The following ASCC3 variants were observed in gnomAD, a reference collection of about 807,000 sequenced individuals.
The protein encoded by ASCC3 is activating signal cointegrator 1 complex subunit 3.
A neutral mutation model predicts 256.3 loss-of-function variants in ASCC3; 158 were observed. That is an observed-to-expected ratio of 0.62 (90% CI 0.54 to 0.70). The LOEUF (loss-of-function observed/expected upper bound fraction) is 0.70. ASCC3 is among the 30% of genes least tolerant of loss of function. ASCC3 has a pLI of 0.00. For missense variants in ASCC3, 2,259 were observed against 2,626.0 expected (o/e 0.86, Z 3.05); for synonymous variants, 948 against 883.4 (o/e 1.07, Z -1.30).
rs1773600332 is a variant in ASCC3, at chr6:100,508,379, T to C, written c.*1007A>G. 2 of 152,182 alleles carry C rather than the reference T, an allele frequency of 1.3e-5. No individual in the cohort carries two copies. Among genetic ancestry groups the C allele is most frequent in the African/African-American group, 4.8e-5 (2 of 41,458 alleles). The allele number at this position is 152,182 out of a possible 1,614,324, so 9.4% of individuals were successfully genotyped here. ...AAGGTAGAATTTCATTCCACTAGAA[T>C]GCATATTATATGAACATTGAATTTT... On this transcript the variant is annotated 3_prime_UTR_variant, in exon 42 of 42. Transcript: ENST00000369162.
intron 36 of ASCC3, among the ~76,000 whole-genome samples, chr6:100,546,462 AT>A (rs895979770): frequency 4.4e-4 from 66 of 151,586 alleles, no homozygotes; most frequent in African/African-American, 1.5e-3. Context: ...GCCCTACATT[AT>A]TTTTTTTTAT....
intron 12 of ASCC3, among the ~76,000 whole-genome samples, chr6:100,716,161 T>A (rs1416818538): frequency 6.6e-6 from 1 of 151,912 alleles, no homozygotes; most frequent in Admixed American, 6.6e-5. Flanking sequence ...ACTAATTTGA[T>A]ATTCAGTCAA....
chr6:100,630,943 T>A (rs1314847568), intron 26 of ASCC3, among the ~76,000 whole-genome samples, 185 bp downstream of exon 26: 3 of 152,088 alleles, frequency 2.0e-5, no homozygotes, highest in Non-Finnish European at 2.9e-5. Context: ...AATATTGATA[T>A]CATTTTAATA....
rs1775914092 is a variant in ASCC3, at chr6:100,656,338, G to A, written c.2704-520C>T. Among the ~76,000 whole-genome samples, 4 of 151,582 alleles carry A rather than the reference G, an allele frequency of 2.6e-5. No homozygotes were observed. The South Asian group carries it at 8.3e-4, about 31-fold the overall frequency. On this transcript the variant is annotated intron_variant, in intron 16 of 41. Coordinates refer to ENST00000369162, the MANE Select transcript of ASCC3 (RefSeq NM_006828.4). The stretch of plus-strand genomic sequence containing the variant: ...GACACGAATTTGCAGGACTGCGAGT[G>A]TGAAGATGTAATATGAATACAATAA...
chr6:100,636,611 G>C (rs1336948834), intron 25 of ASCC3, among the ~76,000 whole-genome samples: 1 of 152,190 alleles, frequency 6.6e-6, no homozygotes, highest in African/African-American at 2.4e-5. Context: ...GTCGAAAGCT[G>C]AGATAGGCCA....
At chr6:100,547,652 A>G (rs1431411223) in intron 36 of ASCC3, among the ~76,000 whole-genome samples, 1 of 152,074 alleles carries the variant, frequency 6.6e-6, no homozygotes, top group African/African-American at 2.4e-5. Flanking sequence ...AGTGTTGGAG[A>G]GAATGGGAAA....
In ASCC3 at chr6:100,694,876, G is replaced by C. The variant is rs183661938; in HGVS notation, c.2152-15124C>G. ...GAAAATCATCAAAAGATGCTAAAAT[G>C]AATGGGTAAAAGTTTGATGAGGGGC... On this transcript the variant is annotated intron_variant, in intron 13 of 41. Transcript: ENST00000369162. Among the ~76,000 whole-genome samples the C allele has an allele frequency of 2.2e-3, 342 of 152,256 alleles. 1 individual carries two copies. Among genetic ancestry groups the C allele is most frequent in the African/African-American group, 7.9e-3 (330 of 41,558 alleles).
chr6:100,875,749 T>C (rs1235129810), intron 1 of ASCC3, among the ~76,000 whole-genome samples: 1 of 152,144 alleles, frequency 6.6e-6, no homozygotes, highest in Non-Finnish European at 1.5e-5. Flanking sequence ...TACAGTCCAC[T>C]GTACTCAGCC....
intron 1 of ASCC3, among the ~76,000 whole-genome samples, chr6:100,876,716 A>G (rs1774019667): frequency 6.6e-6 from 1 of 152,194 alleles, no homozygotes; most frequent in Admixed American, 6.5e-5. Flanking sequence ...ACAAATATAT[A>G]AATGAAAAAT....
At chr6:100,744,710 A>C (rs1780584241) in intron 10 of ASCC3, among the ~76,000 whole-genome samples, 1 of 152,128 alleles carries the variant, frequency 6.6e-6, no homozygotes, top group Non-Finnish European at 1.5e-5. Flanking sequence ...AATCATATAC[A>C]CTCTGATTTT....
chr6:100,815,730 TG>T (rs1451156282), intron 4 of ASCC3, among the ~76,000 whole-genome samples: 1 of 152,154 alleles, frequency 6.6e-6, no homozygotes, highest in Non-Finnish European at 1.5e-5. Context: ...AGACTGAAGC[TG>T]GAAGATTGAA....
chr6:100,761,385 G>A (rs1562278320), intron 10 of ASCC3, among the ~76,000 whole-genome samples: 1 of 152,312 alleles, frequency 6.6e-6, no homozygotes, highest in South Asian at 2.1e-4. Flanking sequence ...CTATTCAGGA[G>A]GCTGAGAGGA....
intron 10 of ASCC3, among the ~76,000 whole-genome samples, chr6:100,738,371 A>G (rs1193505795): frequency 5.3e-5 from 8 of 152,098 alleles, no homozygotes; most frequent in African/African-American, 9.7e-5. Flanking sequence ...TAAGTCTTTA[A>G]TCCATCTTGA....
At chr6:100,532,408 T>TATATA (rs1562098670) in intron 37 of ASCC3, among the ~76,000 whole-genome samples, 15 of 37,398 alleles carry the variant, frequency 4.0e-4, no homozygotes, top group African/African-American at 1.0e-3. Flanking sequence ...ATATATATAT[T>TATATA]TTTTTTTTTT....
chr6:100,817,203 T>C (rs1770794209), intron 4 of ASCC3, among the ~76,000 whole-genome samples: 1 of 151,956 alleles, frequency 6.6e-6, no homozygotes, highest in Non-Finnish European at 1.5e-5. Context: ...TTGGAAAACT[T>C]ACAAATACGT....
chr6:100,855,984 AAAAAGTTAGGAATCTG>A (rs1463846408), intron 3 of ASCC3, among the ~76,000 whole-genome samples: 1 of 152,192 alleles, frequency 6.6e-6, no homozygotes, highest in Non-Finnish European at 1.5e-5. Context: ...CCAAACTATA[AAAAAGTTAGGAATCTG>A]AAAAGCAAAT....
chr6:100,654,562 G>A lies in ASCC3; in HGVS notation c.2823+1137C>T, dbSNP rs1775826907. Among the ~76,000 whole-genome samples, 5 of 152,112 alleles carry A rather than the reference G, an allele frequency of 3.3e-5. No homozygotes were observed. In the South Asian group the frequency reaches 1.0e-3, roughly 32 times the overall value. On this transcript the variant is annotated intron_variant, in intron 17 of 41. Coordinates refer to ENST00000369162, the MANE Select transcript of ASCC3 (RefSeq NM_006828.4). The stretch of plus-strand genomic sequence containing the variant: ...TTCTCAAAATGCCCATATTTGTGAT[G>A]GGAATAACTAGTGCCATATTCTTTA...
chr6:100,735,636 C>G (rs1187252592), intron 10 of ASCC3, among the ~76,000 whole-genome samples: 1 of 152,086 alleles, frequency 6.6e-6, no homozygotes, highest in Non-Finnish European at 1.5e-5. Flanking sequence ...ACCCTACATT[C>G]AGCAATCTTG....
At chr6:100,695,202 G>A (rs1778026743) in intron 13 of ASCC3, among the ~76,000 whole-genome samples, 1 of 152,022 alleles carries the variant, frequency 6.6e-6, no homozygotes, top group Non-Finnish European at 1.5e-5. Flanking sequence ...AAATGTCAAA[G>A]TCAAATCCAG....
Sources: gnomAD v4.1 joint callset for allele counts (sites outside exome capture counted in the v4.1 genomes callset) on GRCh38, gnomAD v4.1.1 for gene constraint, MANE v1.5 for transcripts, NCBI Gene and HGNC (gene_info 2026-07-23, HGNC 2026-07-21) for gene names.